The following TBC1D8 variants were observed in gnomAD, a reference collection of about 807,000 sequenced individuals.
The protein encoded by TBC1D8 is TBC1 domain family member 8, also known as BUB2-like protein 1.
A neutral mutation model predicts 118.8 loss-of-function variants in TBC1D8; 65 were observed. The observed-to-expected ratio is 0.55, with a 90% confidence interval of 0.45 to 0.67. The LOEUF (loss-of-function observed/expected upper bound fraction) is 0.67, where lower values mean the gene tolerates loss of function less well. Ranked by LOEUF, TBC1D8 falls within the 30% of genes least tolerant of loss-of-function variation. The pLI, the probability that TBC1D8 is intolerant of heterozygous loss-of-function variation, is 0.00. For synonymous variants in TBC1D8, 566 were observed against 595.8 expected, an observed-to-expected ratio of 0.95 and a Z score of 0.73; for missense variants, 1,376 against 1,471.2, an observed-to-expected ratio of 0.94 and a Z score of 1.06.
Position 101,050,433 on chromosome 2 carries a change from G to A in TBC1D8, c.840C>T (p.Pro280=), listed in dbSNP as rs761984215. 1.3e-5 allele frequency: 21 copies of A among 1,613,466 alleles called. No homozygotes were observed. The Middle Eastern group carries it at 5.2e-4, about 40-fold the overall frequency. Residue 280 remains proline (P), a synonymous_variant, in exon 5 of 20, where the codon CCC becomes CCT. Transcript: ENST00000409318. ...TGATCTGGCTCGGCTCCTGCAGATC[G>A]GGGTCGAGGTCAAAGACCTCATTAT... is the stretch of plus-strand genomic sequence containing the variant. ...LLDNEVFDLD[P]DLQEPSQITK...
chr2:101,147,974 A>G lies in TBC1D8; in HGVS notation c.127+3153T>C, dbSNP rs114153021. Among the ~76,000 whole-genome samples, 135 of 152,202 alleles carry G rather than the reference A, an allele frequency of 8.9e-4. 1 individual carries two copies. Among genetic ancestry groups the G allele is most frequent in the African/African-American group, 3.1e-3 (130 of 41,538 alleles). ...AGCAGAAGTTTGGAAACATCTCATA[A>G]TCCTGAATTCTGCCATGCTATGCTC... On this transcript the variant is annotated intron_variant, in intron 1 of 19. Coordinates refer to ENST00000409318, the MANE Select transcript of TBC1D8 (RefSeq NM_001330348.2).
At chr2:101,036,441 G>A (rs1431912461) in intron 8 of TBC1D8, among the ~76,000 whole-genome samples, 3 of 150,906 alleles carry the variant, frequency 2.0e-5, no homozygotes, top group African/African-American at 7.3e-5. Flanking sequence ...CCTTAGCAAG[G>A]CTGATAACAA....
intron 1 of TBC1D8, among the ~76,000 whole-genome samples, chr2:101,137,031 C>CTTTTTT (rs34792672): frequency 8.3e-6 from 1 of 121,060 alleles, no homozygotes; most frequent in Non-Finnish European, 1.7e-5. Flanking sequence ...TAGGCTAATT[C>CTTTTTT]TTTTTTTTTT....
intron 5 of TBC1D8, among the ~76,000 whole-genome samples, chr2:101,043,759 G>A (rs905037597): frequency 6.6e-6 from 1 of 152,034 alleles, no homozygotes; most frequent in African/African-American, 2.4e-5. Context: ...GGCCAACATG[G>A]TGAAACCCCG....
At chr2:101,051,960 A>G (rs1164296440) in intron 4 of TBC1D8, among the ~76,000 whole-genome samples, 1 of 152,270 alleles carries the variant, frequency 6.6e-6, no homozygotes, top group African/African-American at 2.4e-5. Flanking sequence ...TAAAGATCTC[A>G]GTAAAACTTC....
At chr2:101,073,295 TA>T (rs1558676326) in intron 2 of TBC1D8, among the ~76,000 whole-genome samples, 2 of 132,424 alleles carry the variant, frequency 1.5e-5, no homozygotes, top group African/African-American at 5.8e-5. Flanking sequence ...TATTTTATTT[TA>T]TTTATTTTTT....
At chr2:101,064,003 A>G (rs1040566975) in intron 2 of TBC1D8, among the ~76,000 whole-genome samples, 12 of 152,156 alleles carry the variant, frequency 7.9e-5, no homozygotes, top group Admixed American at 6.5e-5. Context: ...AAGCCTACAA[A>G]TTAACTCAGT....
intron 15 of TBC1D8, among the ~76,000 whole-genome samples, chr2:101,023,179 C>T (rs1393331021): frequency 6.8e-6 from 1 of 147,856 alleles, no homozygotes; most frequent in Non-Finnish European, 1.5e-5. Context: ...GAGTCTCGCT[C>T]GGTCACCCAG....
chr2:101,074,301 T>C (rs1001067686), intron 2 of TBC1D8, among the ~76,000 whole-genome samples: 2 of 152,174 alleles, frequency 1.3e-5, no homozygotes, highest in African/African-American at 4.8e-5. Context: ...ACATGGTTCA[T>C]AGCACCCCAA....
At chr2:101,042,534 T>C (rs574405601) in intron 5 of TBC1D8, among the ~76,000 whole-genome samples, 1 of 152,294 alleles carries the variant, frequency 6.6e-6, no homozygotes, top group South Asian at 2.1e-4. Flanking sequence ...AAGGGATCCC[T>C]GTGAATCTAA....
intron 1 of TBC1D8, among the ~76,000 whole-genome samples, chr2:101,113,767 A>T (rs1376813991): frequency 6.6e-6 from 1 of 152,224 alleles, no homozygotes; most frequent in Non-Finnish European, 1.5e-5. Context: ...CAAAGGGGTC[A>T]GTGAAGGAAG....
chr2:101,018,172 C>G (rs1454099772), intron 17 of TBC1D8: 2 of 406,520 alleles, frequency 4.9e-6, no homozygotes, highest in African/African-American at 4.0e-5. Flanking sequence ...CTGTACTAAT[C>G]TATAATTATG....
chr2:101,146,375 T>C (rs115426372), intron 1 of TBC1D8, among the ~76,000 whole-genome samples: 1,680 of 152,292 alleles, frequency 0.011, 16 homozygotes, highest in Non-Finnish European at 0.019. Flanking sequence ...ACAAATGCAA[T>C]GACAGGAACA....
At chr2:101,105,517 A>G (rs1473047603) in intron 1 of TBC1D8, among the ~76,000 whole-genome samples, 2 of 150,832 alleles carry the variant, frequency 1.3e-5, no homozygotes, top group Non-Finnish European at 1.5e-5. Flanking sequence ...TGAACCCGGG[A>G]GGCAGAGGTT....
At chr2:101,011,571 C>G (rs762690408) in intron 17 of TBC1D8, 31 bp from the exon 18 acceptor site, 1 of 1,610,950 alleles carries the variant, frequency 6.2e-7, no homozygotes, top group Non-Finnish European at 8.5e-7. Flanking sequence ...TTAAATTAAA[C>G]AAATTTTCTG....
Position 101,122,403 on chromosome 2 carries a change from A to AAAAAAAAAAAT in TBC1D8, c.127+28723_127+28724insATTTTTTTTTT, listed in dbSNP as rs1678166675. ...CATTTCAAAAAAAAAAAAAAAAAAAAAAAAAAAAGCATGGATAATGCCAGG... is the reference window on the plus strand; with the variant it reads ...CATTTCAAAAAAAAAAAAAAAAAAAAAAAAAAAAAATAAAAAAAAGCATGGATAATGCCAGG... On this transcript the variant is annotated intron_variant, in intron 1 of 19. Transcript: ENST00000409318. Among the ~76,000 whole-genome samples the AAAAAAAAAAAT allele has an allele frequency of 2.2e-5, 3 of 137,236 alleles. No homozygotes were observed. In the South Asian group the frequency reaches 6.4e-4, roughly 29 times the overall value. The allele number at this position is 137,236 out of a possible 152,430, so 90.0% of individuals were successfully genotyped here.
At chr2:101,009,228 C>A (rs1678988745) in intron 19 of TBC1D8, among the ~76,000 whole-genome samples, 1 of 151,910 alleles carries the variant, frequency 6.6e-6, no homozygotes, top group Admixed American at 6.6e-5. Flanking sequence ...CATGGTGAAA[C>A]CCTGTCTCTA....
intron 1 of TBC1D8, among the ~76,000 whole-genome samples, chr2:101,092,487 T>A (rs763711178): frequency 1.3e-5 from 2 of 152,210 alleles, no homozygotes; most frequent in Non-Finnish European, 2.9e-5. Flanking sequence ...TCTGAAGCCA[T>A]GCAAATTTCC....
intron 1 of TBC1D8, 70 bp from the exon 2 acceptor site, chr2:101,090,434 A>G (rs968568922): frequency 6.5e-7 from 1 of 1,547,862 alleles, no homozygotes; most frequent in African/African-American, 1.4e-5. Context: ...CGTGTGAGGC[A>G]TGTGGTCGCT....
Sources: gnomAD v4.1 joint callset for allele counts (sites outside exome capture counted in the v4.1 genomes callset) on GRCh38, gnomAD v4.1.1 for gene constraint, MANE v1.5 for transcripts, NCBI Gene and HGNC (gene_info 2026-07-23, HGNC 2026-07-21) for gene names.